The following POLN variants were observed in gnomAD, a reference collection of about 807,000 sequenced individuals.
The protein encoded by POLN is DNA polymerase N.
POLN carries 108 observed loss-of-function variants against 113.5 expected under a neutral mutation model. That is an observed-to-expected ratio of 0.95 (90% confidence interval 0.81 to 1.12). POLN has a LOEUF of 1.12. Among genes scored for constraint, POLN ranks in the 50% most tolerant of loss-of-function variants. POLN has a pLI of 0.00. For synonymous variants in POLN, 386 were observed against 391.5 expected, an observed-to-expected ratio of 0.99 and a Z score of 0.17; for missense variants, 1,097 against 1,077.1, an observed-to-expected ratio of 1.02 and a Z score of -0.26.
intron 3 of POLN, among the ~76,000 whole-genome samples, chr4:2,218,995 T>C (rs1235880299): frequency 6.6e-6 from 1 of 152,190 alleles, no homozygotes; most frequent in Non-Finnish European, 1.5e-5. Context: ...GGTTGCCATA[T>C]TGCTATACTA....
At chr4:2,237,272 T>TA (rs1485294334) in intron 2 of POLN, among the ~76,000 whole-genome samples, 3 of 146,794 alleles carry the variant, frequency 2.0e-5, no homozygotes, top group African/African-American at 7.4e-5. Context: ...CTCTACAAAT[T>TA]TTTTTTTTTT....
Position 2,171,101 on chromosome 4 carries a change from T to A in POLN, c.1455A>T (p.Arg485=). The A allele has an allele frequency of 6.2e-7, 1 of 1,611,222 alleles. No homozygotes were observed. Among genetic ancestry groups the A allele is most frequent in the Non-Finnish European group, 8.5e-7 (1 of 1,178,986 alleles). ...RFLITSNNQL[R]EILFGKLKLH... is the part of the protein sequence containing the mutation. ...AAGAACCAAAATTCAGCTTTACCTCTCGAAGCTGGTTATTGCTCGTTATAA... is the reference window on the plus strand; with the variant it reads ...AAGAACCAAAATTCAGCTTTACCTCACGAAGCTGGTTATTGCTCGTTATAA... The change falls in exon 12 of 26, where the codon CGA becomes CGT. Residue 485 remains arginine, a synonymous_variant. Transcript: ENST00000511885.
intron 19 of POLN, among the ~76,000 whole-genome samples, chr4:2,109,609 T>C (rs1042039839): frequency 6.6e-6 from 1 of 152,218 alleles, no homozygotes; most frequent in Non-Finnish European, 1.5e-5. Flanking sequence ...CTTGATGAAT[T>C]GGCCCTTTTA....
intron 16 of POLN, among the ~76,000 whole-genome samples, chr4:2,139,187 G>T (rs1036166056): frequency 6.6e-6 from 1 of 152,236 alleles, no homozygotes; most frequent in Non-Finnish European, 1.5e-5. Flanking sequence ...GCAGGGCAGA[G>T]TGGGGAGAGG....
intron 2 of POLN, chr4:2,231,717 A>C (rs1734585105): frequency 1.1e-4 from 42 of 374,276 alleles, no homozygotes; most frequent in Non-Finnish European, 1.5e-4. Context: ...TACCAGGACT[A>C]AGTACCACTA....
intron 4 of POLN, among the ~76,000 whole-genome samples, chr4:2,209,517 T>C (rs1367982900): frequency 3.3e-5 from 5 of 149,780 alleles, no homozygotes; most frequent in Admixed American, 2.0e-4. Flanking sequence ...CCCAGCTCAA[T>C]AGCAGTTCTC....
intron 19 of POLN, among the ~76,000 whole-genome samples, chr4:2,101,453 G>A (rs913200386): frequency 6.6e-6 from 1 of 152,204 alleles, no homozygotes; most frequent in Non-Finnish European, 1.5e-5. Context: ...TGGCCCGGAC[G>A]GGCTGGGAAC....
At chr4:2,203,140 A>G (rs1733757213) in intron 5 of POLN, among the ~76,000 whole-genome samples, 1 of 152,206 alleles carries the variant, frequency 6.6e-6, no homozygotes, top group East Asian at 1.9e-4. Context: ...TTGAACTTAT[A>G]TTAAGCACTC....
chr4:2,240,676 T>C (rs1734950963), intron 2 of POLN: 4 of 1,613,976 alleles, frequency 2.5e-6, no homozygotes, highest in African/African-American at 1.3e-5. Flanking sequence ...AGTCTAGGTG[T>C]CTTCAAATCA....
intron 13 of POLN, among the ~76,000 whole-genome samples, chr4:2,165,647 T>TACCATTCTGTC (rs1397067526): frequency 2.6e-5 from 4 of 152,186 alleles, no homozygotes; most frequent in Non-Finnish European, 5.9e-5. Context: ...GTAACGATGG[T>TACCATTCTGTC]ACCATTCTGT....
At position 2,154,928 on chromosome 4, in the gene POLN, C is replaced by A. The variant is rs116647889; in HGVS notation, c.1731+1860G>T. On this transcript the variant is annotated intron_variant, in intron 16 of 25. Coordinates refer to ENST00000511885, the MANE Select transcript of POLN (RefSeq NM_181808.4). ...ACATCTCATCTTTCCAAAAGTTCAA[C>A]TGAAATAACAGAAAAATAAATAGGT... Among the ~76,000 whole-genome samples the A allele has an allele frequency of 5.9e-3, 891 of 152,204 alleles. 6 individuals are homozygous for A. The highest frequency in any genetic ancestry group is 0.021 in the African/African-American group (852 of 41,516).
chr4:2,083,813 A>G (rs963288150), intron 21 of POLN, among the ~76,000 whole-genome samples: 2 of 152,276 alleles, frequency 1.3e-5, no homozygotes, highest in African/African-American at 4.8e-5. Flanking sequence ...CACCTGGCAT[A>G]GAAAGGTGTG....
At chr4:2,225,292 A>C (rs1446244566) in intron 3 of POLN, among the ~76,000 whole-genome samples, 2 of 152,010 alleles carry the variant, frequency 1.3e-5, no homozygotes, top group African/African-American at 2.4e-5. Flanking sequence ...ATGTAAAAAA[A>C]AATTTAAGAA....
chr4:2,113,360 C>T (rs984721557), intron 19 of POLN, among the ~76,000 whole-genome samples: 2 of 151,644 alleles, frequency 1.3e-5, no homozygotes, highest in African/African-American at 4.8e-5. Context: ...ACATTGTGCA[C>T]ATGTACCCTA....
chr4:2,151,789 A>T (rs1732302192), intron 16 of POLN, among the ~76,000 whole-genome samples: 1 of 152,232 alleles, frequency 6.6e-6, no homozygotes, highest in Non-Finnish European at 1.5e-5. Flanking sequence ...GGCAAACAGC[A>T]AGTCAGTGGT....
chr4:2,073,559 T>C (rs567396190), intron 24 of POLN, among the ~76,000 whole-genome samples: 1 of 152,306 alleles, frequency 6.6e-6, no homozygotes, highest in South Asian at 2.1e-4. Context: ...CTGACCCCGT[T>C]GTTGGGGCGT....
chr4:2,122,788 T>C (rs975390216), intron 19 of POLN, among the ~76,000 whole-genome samples: 1 of 152,158 alleles, frequency 6.6e-6, no homozygotes, highest in Non-Finnish European at 1.5e-5. Context: ...AAACATAGAA[T>C]TATTTTATGA....
At chr4:2,233,985 A>G (rs1734670156) in intron 2 of POLN, among the ~76,000 whole-genome samples, 1 of 152,192 alleles carries the variant, frequency 6.6e-6, no homozygotes. Context: ...GAATGTATCC[A>G]GATGAAAGTA....
intron 16 of POLN, among the ~76,000 whole-genome samples, chr4:2,135,459 C>G (rs1315446307): frequency 6.6e-6 from 1 of 152,206 alleles, no homozygotes; most frequent in Non-Finnish European, 1.5e-5. Flanking sequence ...TTCACATTTC[C>G]AAACACATGA....
Sources: gnomAD v4.1 joint callset for allele counts (sites outside exome capture counted in the v4.1 genomes callset) on GRCh38, gnomAD v4.1.1 for gene constraint, MANE v1.5 for transcripts, NCBI Gene and HGNC (gene_info 2026-07-23, HGNC 2026-07-21) for gene names.